Variants in SLC25A14 observed in about 807,000 individuals in gnomAD.
The protein encoded by SLC25A14 is brain mitochondrial carrier protein 1.
A neutral mutation model predicts 28.1 loss-of-function variants in SLC25A14; 8 were observed. The ratio of observed to expected loss-of-function variants is 0.28; its 90% CI spans 0.17 to 0.51. The LOEUF is 0.51. Among genes scored for constraint, SLC25A14 ranks in the 20% least tolerant of loss-of-function variants. The probability of loss-of-function intolerance (pLI) is 0.97; values close to 1 mark genes in which losing one functional copy is unlikely to be tolerated. For synonymous variants in SLC25A14, 74 were observed against 90.6 expected, an observed-to-expected ratio of 0.82 and a Z score of 1.04; for missense variants, 135 against 263.8, an observed-to-expected ratio of 0.51 and a Z score of 3.38.
intron 2 of SLC25A14, among the ~76,000 whole-genome samples, chrX:130,342,893 A>G (rs1453679800): frequency 9.1e-6 from 1 of 110,131 alleles, no homozygotes; most frequent in African/African-American, 3.3e-5. Flanking sequence ...AAAAGGACTA[A>G]GTGTCCTTAT....
At chrX:130,353,524 A>C (rs1321825495) in intron 6 of SLC25A14, among the ~76,000 whole-genome samples, 6 of 111,886 alleles carry the variant, frequency 5.4e-5, no homozygotes, top group African/African-American at 2.0e-4. Context: ...TACATGCTCA[A>C]GTTTAAAAAA....
intron 7 of SLC25A14, among the ~76,000 whole-genome samples, chrX:130,359,352 C>CAAAAA (rs55826694): frequency 9.2e-4 from 24 of 26,172 alleles, no homozygotes; most frequent in African/African-American, 2.3e-3. Context: ...GACTCTGTCT[C>CAAAAA]AAAAAAAAAA....
chrX:130,370,864 G>T (rs2034246951), intron 9 of SLC25A14, among the ~76,000 whole-genome samples: 1 of 112,161 alleles, frequency 8.9e-6, no homozygotes, highest in Admixed American at 9.5e-5. Flanking sequence ...AAAACTCATT[G>T]CCTTAAACCA....
Position 130,350,777 on chromosome X carries a change from A to C in SLC25A14, c.498+46A>C. 4.6e-6 allele frequency: 4 copies of C among 870,004 alleles called. No individual in the cohort carries two copies. In the Middle Eastern group the frequency reaches 8.5e-4, roughly 184 times the overall value. The allele number at this position is 870,004 out of a possible 1,213,427, so 71.7% of individuals were successfully genotyped here. ...TTTGAAAGGAGCATAACTTTGAGTC[A>C]GATTTGGGTTCAGATTCCCACTCTG... is the stretch of plus-strand genomic sequence containing the variant. On this transcript the variant is annotated intron_variant, in intron 6 of 10. Coordinates refer to ENST00000545805, the MANE Select transcript of SLC25A14 (RefSeq NM_001282195.2).
At position 130,349,256 on chromosome X, in the gene SLC25A14, C is replaced by T; in HGVS notation, c.323C>T (p.Ala108Val). 8.6e-7 allele frequency: 1 copy of T among 1,161,474 alleles called. No individual in the cohort carries two copies. Among genetic ancestry groups the T allele is most frequent in the Non-Finnish European group, 1.2e-6 (1 of 861,433 alleles). Residue 108 changes from alanine to valine, a missense_variant, in exon 5 of 11, where the codon GCT (alanine) becomes GTT (valine). Coordinates refer to ENST00000545805, the MANE Select transcript of SLC25A14 (RefSeq NM_001282195.2). Reference protein sequence around the residue: ...EGVLALYSGIAPALLRQASYG... With the variant: ...EGVLALYSGIVPALLRQASYG... ...TTTACTTTTTTTTTTTTCAGAATTG[C>T]TCCTGCGTTGCTAAGACAAGCATCA...
intron 9 of SLC25A14, 75 bp downstream of exon 9, chrX:130,365,751 A>C: frequency 1.4e-6 from 1 of 712,582 alleles, no homozygotes; most frequent in Admixed American, 2.7e-5. Flanking sequence ...TCTTATTATT[A>C]GTTGCTACAT....
In SLC25A14 at chrX:130,350,700, C is replaced by A; in HGVS notation, c.467C>A (p.Ser156Tyr). The A allele has an allele frequency of 8.7e-7, 1 of 1,153,976 alleles. No individual in the cohort carries two copies. The highest frequency in any genetic ancestry group is 1.2e-6 in the Non-Finnish European group (1 of 846,503). ...GGGGTAGTGTCAGGAGTGATATCTT[C>A]CACTATAGCCAATCCCACCGATGTT... ...ICGVVSGVIS[S>Y]TIANPTDVLK... Residue 156 changes from serine (S) to tyrosine (Y), a missense_variant, in exon 6 of 11, where the codon TCC becomes TAC. Transcript: ENST00000545805.
chrX:130,347,254 A>G (rs1372913714), intron 4 of SLC25A14, among the ~76,000 whole-genome samples: 2 of 111,204 alleles, frequency 1.8e-5, no homozygotes, highest in African/African-American at 6.5e-5. Context: ...TTATTGTTAA[A>G]CTATGTTACA....
intron 2 of SLC25A14, among the ~76,000 whole-genome samples, chrX:130,344,483 A>G (rs988873480): frequency 9.0e-6 from 1 of 111,572 alleles, no homozygotes; most frequent in African/African-American, 3.3e-5. Flanking sequence ...AAGAACTAGA[A>G]CATAAAAGAA....
chrX:130,363,743 T>A (rs756162570), intron 7 of SLC25A14, among the ~76,000 whole-genome samples: 2 of 110,714 alleles, frequency 1.8e-5, no homozygotes, highest in East Asian at 2.8e-4. Context: ...TTTTTTTAAA[T>A]TTTTTTTTGA....
At chrX:130,371,260 G>T (rs2034256552) in intron 9 of SLC25A14, among the ~76,000 whole-genome samples, 1 of 111,728 alleles carries the variant, frequency 9.0e-6, no homozygotes, top group African/African-American at 3.3e-5. Flanking sequence ...CTACGCAAGG[G>T]TACAAATAAC....
chrX:130,345,943 T>TC (rs1259886696), intron 3 of SLC25A14, among the ~76,000 whole-genome samples: 1 of 110,823 alleles, frequency 9.0e-6, no homozygotes, highest in Admixed American at 9.7e-5. Context: ...TAAAGAAATT[T>TC]CCCCCCCAAA....
intron 7 of SLC25A14, among the ~76,000 whole-genome samples, chrX:130,363,053 A>G (rs1360842957): frequency 8.9e-6 from 1 of 112,766 alleles, no homozygotes; most frequent in East Asian, 2.8e-4. Flanking sequence ...CTTTATTGAG[A>G]TAATTCACAT....
chrX:130,352,366 C>G (rs1393406986), intron 6 of SLC25A14, among the ~76,000 whole-genome samples: 1 of 111,929 alleles, frequency 8.9e-6, no homozygotes, highest in Non-Finnish European at 1.9e-5. Flanking sequence ...GTGAATAGTG[C>G]TGTGATGAAC....
At chrX:130,352,768 G>T (rs1285391760) in intron 6 of SLC25A14, among the ~76,000 whole-genome samples, 1 of 111,676 alleles carries the variant, frequency 9.0e-6, no homozygotes, top group Non-Finnish European at 1.9e-5. Context: ...GAGTTATTTG[G>T]TTTTTGCTTG....
At chrX:130,349,369 A>C (rs1448854732) in intron 5 of SLC25A14, 24 bp downstream of exon 5, 1 of 967,213 alleles carries the variant, frequency 1.0e-6, no homozygotes, top group Non-Finnish European at 1.5e-6. Flanking sequence ...CCCTCTTTTG[A>C]GGTGATACTC....
intron 8 of SLC25A14, 106 bp from the exon 9 acceptor site, chrX:130,365,435 A>G: frequency 1.9e-6 from 2 of 1,076,689 alleles, no homozygotes; most frequent in Non-Finnish European, 1.2e-6. Flanking sequence ...GCCAGGTTTT[A>G]TCTGATGGGT....
At chrX:130,358,995 AGT>A (rs2033880027) in intron 7 of SLC25A14, 1 of 1,027,190 alleles carries the variant, frequency 9.7e-7, no homozygotes. Flanking sequence ...GTAGTTGTTC[AGT>A]GTATTTTTTT....
At chrX:130,345,302 G>C (rs775905587) in intron 3 of SLC25A14, 27 bp downstream of exon 3, 2 of 921,017 alleles carry the variant, frequency 2.2e-6, no homozygotes, top group Middle Eastern at 2.6e-4. Context: ...TGACAAATCT[G>C]CATTATACGG....
Sources: gnomAD v4.1 joint callset for allele counts (sites outside exome capture counted in the v4.1 genomes callset) on GRCh38, gnomAD v4.1.1 for gene constraint, MANE v1.5 for transcripts, NCBI Gene and HGNC (gene_info 2026-07-23, HGNC 2026-07-21) for gene names.